USP32: variants seen among roughly 807,000 people sequenced by gnomAD.
The protein encoded by USP32 is ubiquitin carboxyl-terminal hydrolase 32.
A neutral mutation model predicts 204.8 loss-of-function variants in USP32; 59 were observed. The ratio of observed to expected loss-of-function variants is 0.29; its 90% CI spans 0.23 to 0.36. USP32 has a LOEUF of 0.36. Among genes scored for constraint, USP32 ranks in the 10% least tolerant of loss-of-function variants. USP32 has a pLI of 1.00. For missense variants in USP32, 1,160 were observed against 1,946.4 expected (o/e 0.60, Z 7.60); for synonymous variants, 517 against 678.4 (o/e 0.76, Z 3.70).
At chr17:60,228,501 CTTTT>C (rs1018176786) in intron 12 of USP32, among the ~76,000 whole-genome samples, 2 of 104,116 alleles carry the variant, frequency 1.9e-5, no homozygotes, top group Non-Finnish European at 3.6e-5. Context: ...TTTTCTTTTT[CTTTT>C]TTTTTTTTTT....
At chr17:60,381,064 A>G (rs2089638530) in intron 1 of USP32, among the ~76,000 whole-genome samples, 1 of 152,248 alleles carries the variant, frequency 6.6e-6, no homozygotes, top group Non-Finnish European at 1.5e-5. Context: ...TTACCAGATT[A>G]CTGCTGCTAG....
chr17:60,417,856 C>T (rs1049027982), intron 1 of USP32, among the ~76,000 whole-genome samples: 6 of 151,822 alleles, frequency 4.0e-5, no homozygotes, highest in Non-Finnish European at 8.8e-5. Context: ...GTGGCACAAT[C>T]GAAGCTCACT....
At chr17:60,326,906 T>TA (rs1428641456) in intron 2 of USP32, among the ~76,000 whole-genome samples, 1 of 152,298 alleles carries the variant, frequency 6.6e-6, no homozygotes, top group East Asian at 1.9e-4. Flanking sequence ...TTCTCAGTCT[T>TA]ACGTAGATGC....
At chr17:60,350,895 AT>A (rs879406912) in intron 1 of USP32, among the ~76,000 whole-genome samples, 101 of 148,914 alleles carry the variant, frequency 6.8e-4, no homozygotes, top group African/African-American at 1.4e-3. Context: ...AAGCTATTGA[AT>A]TTTTTTTTTT....
intron 28 of USP32, among the ~76,000 whole-genome samples, chr17:60,192,614 T>C (rs2084414557): frequency 6.6e-6 from 1 of 152,092 alleles, no homozygotes; most frequent in South Asian, 2.1e-4. Context: ...TTTGTATGTT[T>C]AGTAGAGACG....
Position 60,309,751 on chromosome 17 carries a change from C to T in USP32, c.187-8047G>A, listed in dbSNP as rs941053987. Among the ~76,000 whole-genome samples the T allele has an allele frequency of 2.6e-5, 4 of 151,958 alleles. No individual in the cohort carries two copies. In the East Asian group the frequency reaches 5.8e-4, roughly 22 times the overall value. ...TGAGTTAAAATCTCACCCATTATATCGAAAAGCAGGCAGACTGGGCACAGT... is the reference window on the plus strand; with the variant it reads ...TGAGTTAAAATCTCACCCATTATATTGAAAAGCAGGCAGACTGGGCACAGT... On this transcript the variant is annotated intron_variant, in intron 2 of 33. Transcript: ENST00000300896.
At chr17:60,416,188 G>T (rs1292146635) in intron 1 of USP32, among the ~76,000 whole-genome samples, 1 of 152,122 alleles carries the variant, frequency 6.6e-6, no homozygotes, top group East Asian at 1.9e-4. Context: ...GTTCTTTAGG[G>T]TAATACAAGG....
At chr17:60,405,075 G>C (rs548477425) in intron 1 of USP32, among the ~76,000 whole-genome samples, 38 of 152,322 alleles carry the variant, frequency 2.5e-4, no homozygotes, top group Admixed American at 2.0e-3. Flanking sequence ...TGAAGCACAA[G>C]AATTGCCTGA....
chr17:60,367,989 T>C (rs2089352646), intron 1 of USP32, among the ~76,000 whole-genome samples: 1 of 152,186 alleles, frequency 6.6e-6, no homozygotes, highest in Non-Finnish European at 1.5e-5. Context: ...CAGGAGGCTC[T>C]GCTTAGGTTA....
Position 60,345,623 on chromosome 17 carries a change from C to G in USP32, c.59-15G>C. The G allele has an allele frequency of 6.2e-7, 1 of 1,613,734 alleles. No individual in the cohort carries two copies. Among genetic ancestry groups the G allele is most frequent in the Middle Eastern group, 1.7e-4 (1 of 6,060 alleles). On this transcript the variant is annotated splice_polypyrimidine_tract_variant and intron_variant, in intron 1 of 33. Transcript: ENST00000300896. Reference sequence around the variant, plus strand: ...TACATCTGTAACTGCAATTCAGAAACAGAAGATGGGTAAGAAATCAGGAGA... The same window carrying G: ...TACATCTGTAACTGCAATTCAGAAAGAGAAGATGGGTAAGAAATCAGGAGA...
At chr17:60,280,991 A>G (rs561159226) in intron 5 of USP32, among the ~76,000 whole-genome samples, 220 of 152,378 alleles carry the variant, frequency 1.4e-3, no homozygotes, top group African/African-American at 5.1e-3. Flanking sequence ...GCCAGCAGCA[A>G]TTCAGTTGTC....
intron 12 of USP32, 63 bp downstream of exon 12, chr17:60,236,075 G>T: frequency 7.7e-7 from 1 of 1,304,104 alleles, no homozygotes; most frequent in Non-Finnish European, 1.1e-6. Context: ...TTTATTATTG[G>T]CTGGAAGTCT....
chr17:60,316,824 G>C (rs2087992620), intron 2 of USP32, among the ~76,000 whole-genome samples: 1 of 152,010 alleles, frequency 6.6e-6, no homozygotes, highest in Non-Finnish European at 1.5e-5. Context: ...CTGGGCAAAA[G>C]AGCGAGACTT....
intron 5 of USP32, among the ~76,000 whole-genome samples, chr17:60,286,648 A>T (rs779259561): frequency 6.6e-6 from 1 of 152,198 alleles, no homozygotes; most frequent in Non-Finnish European, 1.5e-5. Flanking sequence ...AGAAATAAGT[A>T]ATGTGTTAAG....
intron 26 of USP32, among the ~76,000 whole-genome samples, chr17:60,203,023 A>G (rs965190827): frequency 1.5e-4 from 22 of 150,134 alleles, no homozygotes; most frequent in African/African-American, 5.5e-4. Flanking sequence ...TAGAAGAGAC[A>G]AGAAAGCATT....
At chr17:60,225,444 G>A (rs1021535038) in intron 13 of USP32, among the ~76,000 whole-genome samples, 2 of 152,012 alleles carry the variant, frequency 1.3e-5, no homozygotes, top group South Asian at 2.1e-4. Context: ...GTGACAGAGC[G>A]AGATCCTGTC....
chr17:60,412,352 A>G (rs1228327815), intron 1 of USP32, among the ~76,000 whole-genome samples: 19 of 151,962 alleles, frequency 1.3e-4, no homozygotes, highest in Admixed American at 1.2e-3. Flanking sequence ...AAAAAATACA[A>G]AAATTGGCCG....
chr17:60,403,658 G>C (rs1461703088), intron 1 of USP32, among the ~76,000 whole-genome samples: 1 of 152,142 alleles, frequency 6.6e-6, no homozygotes, highest in Non-Finnish European at 1.5e-5. Flanking sequence ...TTAAGGAAAG[G>C]GGGTCGTGAT....
chr17:60,189,274 G>C (rs1196621216), intron 29 of USP32, among the ~76,000 whole-genome samples: 1 of 152,210 alleles, frequency 6.6e-6, no homozygotes, highest in East Asian at 1.9e-4. Context: ...GCTCCCAGGA[G>C]CCTTGGTGTG....
Sources: gnomAD v4.1 joint callset for allele counts (sites outside exome capture counted in the v4.1 genomes callset) on GRCh38, gnomAD v4.1.1 for gene constraint, MANE v1.5 for transcripts, NCBI Gene and HGNC (gene_info 2026-07-23, HGNC 2026-07-21) for gene names.